VWC2L: variants seen among roughly 807,000 people sequenced by gnomAD.
VWC2L encodes von Willebrand factor C domain-containing protein 2-like.
Under a neutral mutation model 21.6 loss-of-function variants are expected in VWC2L, and 10 were observed. The observed-to-expected ratio is 0.46, with a 90% CI of 0.29 to 0.78. The LOEUF is 0.78. Ranked by LOEUF, VWC2L falls within the 30% of genes least tolerant of loss-of-function variation. The pLI, the probability that VWC2L is intolerant of heterozygous loss-of-function variation, is 0.10. For synonymous variants in VWC2L, 96 were observed against 94.3 expected (o/e 1.02, Z -0.10); for missense variants, 209 against 277.1 (o/e 0.75, Z 1.74).
chr2:214,458,373 AGAC>A (rs1703087862), intron 3 of VWC2L, among the ~76,000 whole-genome samples: 1 of 152,146 alleles, frequency 6.6e-6, no homozygotes, highest in South Asian at 2.1e-4. Context: ...CTTTTCAAAA[AGAC>A]AACTTTTTGT....
rs189282843 is a variant in VWC2L at position 214,450,188 on chromosome 2, G to A, written c.520+13430G>A. Among the ~76,000 whole-genome samples, 3 of 152,340 alleles carry A rather than the reference G, an allele frequency of 2.0e-5. 1 individual carries two copies. The highest frequency in any genetic ancestry group is 2.0e-4 in the Admixed American group (3 of 15,298). On this transcript the variant is annotated intron_variant, in intron 3 of 3. Coordinates refer to ENST00000312504, the MANE Select transcript of VWC2L (RefSeq NM_001080500.4). ...CAAGGAACCCAGGAGGAAGTCTGCA[G>A]TGAAGAGGAAAGCACGTGAGCCTTT...
chr2:214,499,269 C>A (rs1467500757), intron 3 of VWC2L, among the ~76,000 whole-genome samples: 2 of 151,982 alleles, frequency 1.3e-5, no homozygotes, highest in African/African-American at 2.4e-5. Context: ...CCACCTGCCT[C>A]AGCCTCCCAA....
intron 3 of VWC2L, among the ~76,000 whole-genome samples, chr2:214,480,135 A>T (rs1688582396): frequency 1.3e-5 from 2 of 152,238 alleles, no homozygotes. Context: ...ACCATTTCAC[A>T]TAAGCACTTG....
chr2:214,566,116 C>A (rs1158076493), intron 3 of VWC2L, among the ~76,000 whole-genome samples: 1 of 152,144 alleles, frequency 6.6e-6, no homozygotes, highest in Non-Finnish European at 1.5e-5. Flanking sequence ...CTTGTTTCAG[C>A]TTGGGAAGTT....
intron 2 of VWC2L, among the ~76,000 whole-genome samples, chr2:214,422,686 AC>A (rs915735631): frequency 3.9e-5 from 6 of 152,204 alleles, no homozygotes; most frequent in African/African-American, 1.4e-4. Flanking sequence ...TCAGTCTAAC[AC>A]ACTTCCATTG....
At chr2:214,507,768 A>C (rs1222641261) in intron 3 of VWC2L, among the ~76,000 whole-genome samples, 1 of 152,210 alleles carries the variant, frequency 6.6e-6, no homozygotes, top group African/African-American at 2.4e-5. Flanking sequence ...CCTTGGAGAC[A>C]GTCATGAGCC....
chr2:214,561,270 A>G (rs565951843), intron 3 of VWC2L, among the ~76,000 whole-genome samples: 43 of 152,262 alleles, frequency 2.8e-4, no homozygotes, highest in African/African-American at 8.2e-4. Flanking sequence ...CTCCTATCGT[A>G]AAGAGATGCC....
intron 3 of VWC2L, among the ~76,000 whole-genome samples, chr2:214,481,895 G>T (rs574010107): frequency 6.6e-6 from 1 of 152,206 alleles, no homozygotes; most frequent in African/African-American, 2.4e-5. Context: ...CCCAGATACT[G>T]GTGCCTAGTA....
At chr2:214,455,774 C>T (rs1009524403) in intron 3 of VWC2L, among the ~76,000 whole-genome samples, 1 of 152,148 alleles carries the variant, frequency 6.6e-6, no homozygotes, top group Non-Finnish European at 1.5e-5. Flanking sequence ...TTTCTTAGCT[C>T]CCACATGTAA....
intron 3 of VWC2L, among the ~76,000 whole-genome samples, chr2:214,492,294 C>T (rs964682879): frequency 6.6e-6 from 1 of 152,158 alleles, no homozygotes; most frequent in African/African-American, 2.4e-5. Context: ...CAGGGATGCA[C>T]CGCACTCAGA....
intron 3 of VWC2L, among the ~76,000 whole-genome samples, chr2:214,521,174 G>C (rs1333795161): frequency 1.3e-5 from 2 of 151,196 alleles, no homozygotes; most frequent in African/African-American, 2.4e-5. Flanking sequence ...GCAGTGAGTG[G>C]AGATCGCGCC....
chr2:214,474,000 A>C (rs1256307905), intron 3 of VWC2L, among the ~76,000 whole-genome samples: 4 of 152,136 alleles, frequency 2.6e-5, no homozygotes. Flanking sequence ...AAAGACCTTA[A>C]TCATAGCAGA....
Position 214,436,753 on chromosome 2 carries a change from A to G in VWC2L, c.515A>G (p.Lys172Arg), listed in dbSNP as rs1269436729. Residue 172 changes from lysine to arginine, a missense_variant, in exon 3 of 4, where the codon AAA becomes AGA. Lys to Arg is a conservative substitution (Grantham distance 26). Transcript: ENST00000312504. The part of the protein sequence containing the change: ...YEPEQCCPVC[K>R]NGPNCFAGTT... ...CCAGAACAATGTTGTCCTGTCTGCA[A>G]AAATGGTAAGACCACACTGCATTAG... 2 of 1,613,156 alleles carry G rather than the reference A, an allele frequency of 1.2e-6. No homozygotes were observed. The highest frequency in any genetic ancestry group is 2.2e-5 in the East Asian group (1 of 44,866).
chr2:214,455,617 T>G (rs187259539), intron 3 of VWC2L, among the ~76,000 whole-genome samples: 1 of 152,332 alleles, frequency 6.6e-6, no homozygotes, highest in African/African-American at 2.4e-5. Flanking sequence ...CACCTTACTT[T>G]GCTGTCAAAC....
chr2:214,516,175 T>C (rs776399519), intron 3 of VWC2L, among the ~76,000 whole-genome samples: 8 of 151,938 alleles, frequency 5.3e-5, no homozygotes, highest in Non-Finnish European at 7.4e-5. Flanking sequence ...ACCACCACAA[T>C]TGGCAAATAC....
intron 3 of VWC2L, among the ~76,000 whole-genome samples, chr2:214,449,862 G>C (rs181501421): frequency 6.6e-6 from 1 of 152,260 alleles, no homozygotes; most frequent in Admixed American, 6.5e-5. Flanking sequence ...AGCCAGCCCC[G>C]AGTCTTTCCT....
intron 3 of VWC2L, among the ~76,000 whole-genome samples, chr2:214,518,599 T>C (rs2105909820): frequency 6.6e-6 from 1 of 152,322 alleles, no homozygotes; most frequent in East Asian, 1.9e-4. Context: ...ATATTTGTTT[T>C]ATGGCACTTT....
At chr2:214,420,708 AT>A (rs1702425736) in intron 2 of VWC2L, among the ~76,000 whole-genome samples, 1 of 152,212 alleles carries the variant, frequency 6.6e-6, no homozygotes, top group Admixed American at 6.5e-5. Flanking sequence ...CACCAGGGGC[AT>A]TTTTAAGATA....
intron 3 of VWC2L, among the ~76,000 whole-genome samples, chr2:214,523,907 G>C (rs4423590): frequency 0.99 from 150,597 of 152,308 alleles, 74,478 homozygotes; most frequent in East Asian, 1. Context: ...TCTGCTTTTA[G>C]TGCTTAATTT....
Sources: allele counts gnomAD v4.1 joint callset (sites outside exome capture counted in the v4.1 genomes callset), GRCh38; gene constraint gnomAD v4.1.1; transcripts MANE v1.5; gene names NCBI Gene and HGNC (gene_info 2026-07-23, HGNC 2026-07-21).